DDI2: variants seen among roughly 807,000 people sequenced by gnomAD.
DDI2 encodes the protein protein DDI1 homolog 2.
A neutral mutation model predicts 48.1 loss-of-function variants in DDI2; 5 were observed. The observed-to-expected ratio is 0.10, with a 90% CI of 0.05 to 0.22. DDI2 has a LOEUF of 0.22. DDI2 is among the 10% of genes least tolerant of loss of function. The probability of loss-of-function intolerance (pLI) is 1.00; values close to 1 mark genes in which losing one functional copy is unlikely to be tolerated. For missense variants in DDI2, 285 were observed against 506.2 expected (o/e 0.56, Z 4.19); for synonymous variants, 205 against 183.6 (o/e 1.12, Z -0.94).
chr1:15,622,338 C>G (rs1358456240), intron 1 of DDI2, among the ~76,000 whole-genome samples: 1 of 151,644 alleles, frequency 6.6e-6, no homozygotes, highest in East Asian at 1.9e-4. Flanking sequence ...AGTTTATGTT[C>G]TGTAATGCTA....
chr1:15,617,475 T>G lies in DDI2; in HGVS notation c.-196T>G, dbSNP rs1412689746. The G allele has an allele frequency of 2.9e-6, 1 of 347,752 alleles. No homozygotes were observed. The allele number at this position is 347,752 out of a possible 1,614,324, so 21.5% of individuals were successfully genotyped here. A position where few individuals can be genotyped will look rare whatever the true frequency, so the allele number is the denominator to read the frequency against. ...CGGCAGGCAGACGGACTCGCAGGCG[T>G]GTGGCGGCGGCCGTGCTTGCTAGTG... On this transcript the variant is annotated 5_prime_UTR_variant, in exon 1 of 10. Transcript: ENST00000480945.
rs116149826 is a variant in DDI2 at position 15,668,488 on chromosome 1, T to A, written c.*8698T>A. ...TGTATCTACAACAGAAATTGATTTGTTCATTTTTATTTCAAATCTCTTCAT... is the reference window on the plus strand; with the variant it reads ...TGTATCTACAACAGAAATTGATTTGATCATTTTTATTTCAAATCTCTTCAT... On this transcript the variant is annotated 3_prime_UTR_variant, in exon 10 of 10. Coordinates refer to ENST00000480945, the MANE Select transcript of DDI2 (RefSeq NM_032341.5). 1 of 152,354 alleles carries A rather than the reference T, an allele frequency of 6.6e-6. No individual in the cohort carries two copies. Among genetic ancestry groups the A allele is most frequent in the Non-Finnish European group, 1.5e-5 (1 of 68,038 alleles). The allele number at this position is 152,354 out of a possible 1,614,324, so 9.4% of individuals were successfully genotyped here. A position where few individuals can be genotyped will look rare whatever the true frequency, so the allele number is the denominator to read the frequency against.
chr1:15,645,441 T>G (rs1640075957), intron 6 of DDI2, among the ~76,000 whole-genome samples: 2 of 152,252 alleles, frequency 1.3e-5, no homozygotes, highest in South Asian at 4.1e-4. Context: ...TCTAGTTTTC[T>G]TCTCTTTTGT....
intron 7 of DDI2, among the ~76,000 whole-genome samples, chr1:15,650,895 C>T (rs1232733613): frequency 2.0e-5 from 3 of 152,132 alleles, no homozygotes; most frequent in African/African-American, 7.2e-5. Context: ...CGCTCAGTTG[C>T]CCAGGCTGGA....
intron 4 of DDI2, chr1:15,633,802 A>T (rs995337282): frequency 7.6e-6 from 4 of 527,068 alleles, no homozygotes; most frequent in South Asian, 6.1e-5. Context: ...TTTAAGGAGG[A>T]CTCCCTGACT....
Position 15,638,612 on chromosome 1 carries a change from G to A in DDI2, c.760+178G>A, listed in dbSNP as rs566168868. On this transcript the variant is annotated intron_variant, in intron 5 of 9. Transcript: ENST00000480945. ...TGCAGTGGCGTGATCTTGGCTCACT[G>A]CAACCTCTGTCTCCTCAGTTCAAGC... Among the ~76,000 whole-genome samples the A allele has an allele frequency of 1.8e-4, 25 of 142,148 alleles. No homozygotes were observed. The Admixed American group carries it at 1.8e-3, about 10-fold the overall frequency. 93.3% of individuals were successfully genotyped at this position (142,148 alleles called of 152,430 possible).
In DDI2 at chr1:15,617,768, TG is replaced by T; in HGVS notation, c.99del (p.Cys34AlafsTer33). The T allele has an allele frequency of 6.2e-7, 1 of 1,608,776 alleles. No homozygotes were observed. The highest frequency in any genetic ancestry group is 8.5e-7 in the Non-Finnish European group (1 of 1,178,590). On this transcript the variant is annotated frameshift_variant, in exon 1 of 10. Transcript: ENST00000480945. LOFTEE classifies it high-confidence loss of function. ...TTCGAGCTGCACAACTTCCGCGCGC[TG>T]TGCGAGCTCGAGTCTGGCATCCCCG... ...ADFELHNFRA[L>X]CELESGIPAA...
At chr1:15,654,657 CAAAAAA>C (rs201383199) in intron 8 of DDI2, among the ~76,000 whole-genome samples, 1 of 108,796 alleles carries the variant, frequency 9.2e-6, no homozygotes, top group Non-Finnish European at 2.0e-5. Flanking sequence ...ATCCTGTGTC[CAAAAAA>C]AAAAAAAAAA....
intron 1 of DDI2, among the ~76,000 whole-genome samples, chr1:15,625,084 A>T (rs1278428087): frequency 6.6e-6 from 1 of 152,216 alleles, no homozygotes; most frequent in Admixed American, 6.5e-5. Flanking sequence ...GATATGGCAT[A>T]ATCACTTTTT....
At chr1:15,622,323 C>T (rs1639678661) in intron 1 of DDI2, among the ~76,000 whole-genome samples, 1 of 151,856 alleles carries the variant, frequency 6.6e-6, no homozygotes, top group African/African-American at 2.4e-5. Context: ...TGCACCTGGC[C>T]TACTAGTTTA....
chr1:15,619,926 G>C (rs1415563374), intron 1 of DDI2, among the ~76,000 whole-genome samples: 1 of 151,992 alleles, frequency 6.6e-6, no homozygotes, highest in Non-Finnish European at 1.5e-5. Flanking sequence ...GCTGAAACAA[G>C]AAATTTAAGT....
chr1:15,633,493 A>G lies in DDI2; in HGVS notation c.560A>G (p.Gln187Arg), dbSNP rs1639879548. Residue 187 changes from glutamine to arginine, a missense_variant, in exon 4 of 10, where the codon CAA (glutamine) becomes CGA (arginine). Gln to Arg is a conservative substitution (Grantham distance 43). Coordinates refer to ENST00000480945, the MANE Select transcript of DDI2 (RefSeq NM_032341.5). ...CAGCAGGACCGAGCCCGGAGAGAGC[A>G]AGAAAGGATTCGTCTGTTTTCTGCT... is the stretch of plus-strand genomic sequence containing the variant. Reference protein sequence around the residue: ...EQQQDRARREQERIRLFSADP... With the variant: ...EQQQDRARRERERIRLFSADP... The G allele has an allele frequency of 1.9e-6, 3 of 1,613,876 alleles. No individual in the cohort carries two copies. The highest frequency in any genetic ancestry group is 2.5e-6 in the Non-Finnish European group (3 of 1,179,814).
At chr1:15,652,710 C>T (rs993262668) in intron 8 of DDI2, among the ~76,000 whole-genome samples, 1 of 152,014 alleles carries the variant, frequency 6.6e-6, no homozygotes, top group African/African-American at 2.4e-5. Context: ...GTATTCCCAG[C>T]TACTCAGGAG....
At chr1:15,652,018 T>TGTTCA (rs1013370855) in intron 8 of DDI2, 123 bp downstream of exon 8, 2 of 874,986 alleles carry the variant, frequency 2.3e-6, no homozygotes, top group African/African-American at 3.6e-5. Flanking sequence ...GTAGTAGATG[T>TGTTCA]GTTCATTATT....
chr1:15,622,798 A>G (rs527551798), intron 1 of DDI2, among the ~76,000 whole-genome samples: 1 of 152,192 alleles, frequency 6.6e-6, no homozygotes, highest in African/African-American at 2.4e-5. Context: ...TCTTAAGCCT[A>G]TTTAAACAAA....
At chr1:15,633,796 A>G (rs772156794) in intron 4 of DDI2, 43 of 554,466 alleles carry the variant, frequency 7.8e-5, no homozygotes, top group Non-Finnish European at 1.4e-4. Flanking sequence ...TAAAATTTTA[A>G]GGAGGACTCC....
At position 15,667,597 on chromosome 1, in the gene DDI2, G is replaced by A. The variant is rs1337416194; in HGVS notation, c.*7807G>A. The A allele has an allele frequency of 6.6e-6, 1 of 152,288 alleles. No individual in the cohort carries two copies. The highest frequency in any genetic ancestry group is 1.5e-5 in the Non-Finnish European group (1 of 68,076). The allele number at this position is 152,288 out of a possible 1,614,324, so 9.4% of individuals were successfully genotyped here. A position where few individuals can be genotyped will look rare whatever the true frequency, so the allele number is the denominator to read the frequency against. On this transcript the variant is annotated 3_prime_UTR_variant, in exon 10 of 10. Coordinates refer to ENST00000480945, the MANE Select transcript of DDI2 (RefSeq NM_032341.5). ...GAATCTAGAGCAGAACATGTAATCA[G>A]CGATGGCTGGGATTGGTGGACAGGA...
chr1:15,638,466 C>G, intron 5 of DDI2, 32 bp downstream of exon 5: 1 of 1,610,794 alleles, frequency 6.2e-7, no homozygotes, highest in Non-Finnish European at 8.5e-7. Flanking sequence ...TCTTGGTCTC[C>G]CCTCCAACAT....
At chr1:15,647,903 G>A (rs949463645) in intron 6 of DDI2, among the ~76,000 whole-genome samples, 1 of 152,190 alleles carries the variant, frequency 6.6e-6, no homozygotes, top group Admixed American at 6.5e-5. Context: ...GGCAAAGGTT[G>A]CAGTGAGCCG....
Sources: allele counts gnomAD v4.1 joint callset (sites outside exome capture counted in the v4.1 genomes callset), GRCh38; gene constraint gnomAD v4.1.1; transcripts MANE v1.5; gene names NCBI Gene and HGNC (gene_info 2026-07-23, HGNC 2026-07-21).